Variants in KLHL24 observed in about 807,000 individuals in gnomAD.
The protein encoded by KLHL24 is kelch-like protein 24.
Under a neutral mutation model 53.4 loss-of-function variants are expected in KLHL24, and 29 were observed. That is an observed-to-expected ratio of 0.54 (90% CI 0.40 to 0.74). The LOEUF is 0.74. Among genes scored for constraint, KLHL24 ranks in the 30% least tolerant of loss-of-function variants. KLHL24 has a pLI of 0.00. For synonymous variants in KLHL24, 222 were observed against 253.7 expected (o/e 0.88, Z 1.19); for missense variants, 504 against 744.0 (o/e 0.68, Z 3.75).
At chr3:183,637,237 T>C (rs1438102610) in intron 1 of KLHL24, among the ~76,000 whole-genome samples, 2 of 152,230 alleles carry the variant, frequency 1.3e-5, no homozygotes, top group Middle Eastern at 6.8e-3. Context: ...AGCTAAGAGG[T>C]TGGTTTTTAT....
chr3:183,672,685 T>C, intron 7 of KLHL24: 1 of 311,868 alleles, frequency 3.2e-6, no homozygotes, highest in Non-Finnish European at 5.9e-6. Context: ...GCTAATATGG[T>C]GAAACCCCGT....
chr3:183,661,886 A>G (rs1381426226), intron 3 of KLHL24, among the ~76,000 whole-genome samples: 1 of 152,188 alleles, frequency 6.6e-6, no homozygotes, highest in African/African-American at 2.4e-5. Flanking sequence ...TGATTGATTA[A>G]TAAATAAGAC....
intron 1 of KLHL24, among the ~76,000 whole-genome samples, chr3:183,637,195 C>T (rs1357831292): frequency 6.6e-6 from 1 of 152,148 alleles, no homozygotes; most frequent in Non-Finnish European, 1.5e-5. Flanking sequence ...AAAATCACGT[C>T]TTTGTATTTG....
chr3:183,679,479 C>T lies in KLHL24; in HGVS notation c.*193C>T. Reference sequence around the variant, plus strand: ...CCTTTCCTATAATTGAAAAAAAAAACTTTTTTGTTAAAGGTAATGGTGGTT... The same window carrying T: ...CCTTTCCTATAATTGAAAAAAAAAATTTTTTTGTTAAAGGTAATGGTGGTT... On this transcript the variant is annotated 3_prime_UTR_variant, in exon 8 of 8. Coordinates refer to ENST00000242810, the MANE Select transcript of KLHL24 (RefSeq NM_017644.3). 3 of 547,956 alleles carry T rather than the reference C, an allele frequency of 5.5e-6. No individual in the cohort carries two copies. The highest frequency in any genetic ancestry group is 2.4e-5 in the South Asian group (1 of 41,890). The allele number at this position is 547,956 out of a possible 1,614,324, so 33.9% of individuals were successfully genotyped here. A position where few individuals can be genotyped will look rare whatever the true frequency, so the allele number is the denominator to read the frequency against.
At position 183,679,924 on chromosome 3, in the gene KLHL24, G is replaced by T. The variant is rs1712507652; in HGVS notation, c.*638G>T. 6.6e-6 allele frequency: 1 copy of T among 152,068 alleles called. No homozygotes were observed. The highest frequency in any genetic ancestry group is 6.5e-5 in the Admixed American group (1 of 15,268). The allele number at this position is 152,068 out of a possible 1,614,324, so 9.4% of individuals were successfully genotyped here. On this transcript the variant is annotated 3_prime_UTR_variant, in exon 8 of 8. Transcript: ENST00000242810. ...TAAACATGTTTTTAGGGGGAAGTTA[G>T]GTAGGAGATAGAAAAATAAGTGCCC...
At chr3:183,667,508 G>T (rs1236212693) in intron 5 of KLHL24, among the ~76,000 whole-genome samples, 2 of 152,078 alleles carry the variant, frequency 1.3e-5, no homozygotes, top group African/African-American at 4.8e-5. Context: ...GCACATATGA[G>T]GGATATCTAG....
chr3:183,643,136 AG>A (rs1424633683), intron 1 of KLHL24: 4 of 152,772 alleles, frequency 2.6e-5, no homozygotes, highest in African/African-American at 9.6e-5. Flanking sequence ...AGGCTGAGGC[AG>A]GAGAATCGCT....
intron 3 of KLHL24, among the ~76,000 whole-genome samples, chr3:183,654,763 G>A (rs1361433040): frequency 6.6e-6 from 1 of 152,144 alleles, no homozygotes; most frequent in African/African-American, 2.4e-5. Flanking sequence ...TGTCAATGGG[G>A]AAGTTGTCCA....
In KLHL24 at chr3:183,682,199, G is replaced by A. The variant is rs953035435; in HGVS notation, c.*2913G>A. ...TAAACCCAGCTGTGATACCTCAGTTGGAAAGGGAATTCAAAGGTATGCTTT... is the reference window on the plus strand; with the variant it reads ...TAAACCCAGCTGTGATACCTCAGTTAGAAAGGGAATTCAAAGGTATGCTTT... On this transcript the variant is annotated 3_prime_UTR_variant, in exon 8 of 8. Coordinates refer to ENST00000242810, the MANE Select transcript of KLHL24 (RefSeq NM_017644.3). 1 of 152,084 alleles carries A rather than the reference G, an allele frequency of 6.6e-6. No individual in the cohort carries two copies. Among genetic ancestry groups the A allele is most frequent in the Admixed American group, 6.6e-5 (1 of 15,262 alleles). The allele number at this position is 152,084 out of a possible 1,614,324, so 9.4% of individuals were successfully genotyped here. A position where few individuals can be genotyped will look rare whatever the true frequency, so the allele number is the denominator to read the frequency against.
At chr3:183,662,451 C>T (rs1292315440) in intron 3 of KLHL24, among the ~76,000 whole-genome samples, 8 of 151,982 alleles carry the variant, frequency 5.3e-5, no homozygotes. Context: ...CTTTGTGAGA[C>T]TTAACTTGTA....
intron 2 of KLHL24, among the ~76,000 whole-genome samples, chr3:183,645,280 T>A (rs1239694405): frequency 6.6e-6 from 1 of 152,238 alleles, no homozygotes; most frequent in Non-Finnish European, 1.5e-5. Context: ...AAAATTGACA[T>A]TCAGGTACAG....
At chr3:183,658,946 G>A (rs1171867316) in intron 3 of KLHL24, among the ~76,000 whole-genome samples, 1 of 151,674 alleles carries the variant, frequency 6.6e-6, no homozygotes, top group Non-Finnish European at 1.5e-5. Flanking sequence ...TGGAACTACA[G>A]GCATGGGTCA....
intron 3 of KLHL24, among the ~76,000 whole-genome samples, chr3:183,660,305 A>G (rs1219838066): frequency 2.0e-5 from 3 of 151,632 alleles, no homozygotes; most frequent in Admixed American, 2.0e-4. Context: ...TAATTTTTGT[A>G]TTTTTTATAG....
At position 183,682,521 on chromosome 3, in the gene KLHL24, G is replaced by T. The variant is rs888740650; in HGVS notation, c.*3235G>T. 1.3e-5 allele frequency: 2 copies of T among 152,494 alleles called. No individual in the cohort carries two copies. Among genetic ancestry groups the T allele is most frequent in the Admixed American group, 6.5e-5 (1 of 15,270 alleles). 9.4% of individuals were successfully genotyped at this position (152,494 alleles called of 1,614,324 possible). On this transcript the variant is annotated 3_prime_UTR_variant, in exon 8 of 8. Coordinates refer to ENST00000242810, the MANE Select transcript of KLHL24 (RefSeq NM_017644.3). ...TAACTTGTTACTTTTGCTCGTTTGG[G>T]GTGTAAAGTGCCATGACTGAATAAT... is the stretch of plus-strand genomic sequence containing the variant.
At chr3:183,655,579 T>C (rs1026770850) in intron 3 of KLHL24, among the ~76,000 whole-genome samples, 4 of 151,980 alleles carry the variant, frequency 2.6e-5, no homozygotes, top group Non-Finnish European at 5.9e-5. Flanking sequence ...CAGTGAGCCA[T>C]GAGCAGGCCA....
rs921177163 is a variant in KLHL24, at chr3:183,650,263, C to T, written c.-61-33C>T. The T allele has an allele frequency of 4.5e-6, 4 of 884,452 alleles. No homozygotes were observed. The African/African-American group carries it at 5.1e-5, about 11-fold the overall frequency. The allele number at this position is 884,452 out of a possible 1,614,324, so 54.8% of individuals were successfully genotyped here. On this transcript the variant is annotated intron_variant, in intron 2 of 7. Coordinates refer to ENST00000242810, the MANE Select transcript of KLHL24 (RefSeq NM_017644.3). The surrounding 1 kb of genome is among the most constrained non-coding windows in gnomAD (Gnocchi z 4.5). ...TGTGATTTGAATACTGAATTTTTTG[C>T]ATATTGAAATGTTTTCCTTTTTTTA...
At chr3:183,678,924 G>A (rs1712362036) in intron 7 of KLHL24, among the ~76,000 whole-genome samples, 162 bp from the exon 8 acceptor site, 1 of 120,000 alleles carries the variant, frequency 8.3e-6, no homozygotes, top group South Asian at 2.2e-4. Flanking sequence ...GTTGTCCAGC[G>A]CTTACACAGA....
chr3:183,658,083 G>A (rs907909864), intron 3 of KLHL24, among the ~76,000 whole-genome samples: 2 of 151,894 alleles, frequency 1.3e-5, no homozygotes, highest in African/African-American at 4.8e-5. Flanking sequence ...TGTGGTGGTG[G>A]ACACCTGTAA....
chr3:183,681,022 A>G lies in KLHL24; in HGVS notation c.*1736A>G, dbSNP rs897075053. The G allele has an allele frequency of 2.6e-5, 4 of 152,218 alleles. No homozygotes were observed. Among genetic ancestry groups the G allele is most frequent in the Admixed American group, 2.0e-4 (3 of 15,288 alleles). The allele number at this position is 152,218 out of a possible 1,614,324, so 9.4% of individuals were successfully genotyped here. On this transcript the variant is annotated 3_prime_UTR_variant, in exon 8 of 8. Coordinates refer to ENST00000242810, the MANE Select transcript of KLHL24 (RefSeq NM_017644.3). Reference sequence around the variant, plus strand: ...AAACTTTAATGCTTAGCTAGAATCTACATTCTGAGGAAAACTCTAAAAAAC... The same window carrying G: ...AAACTTTAATGCTTAGCTAGAATCTGCATTCTGAGGAAAACTCTAAAAAAC...
Sources: allele counts gnomAD v4.1 joint callset (sites outside exome capture counted in the v4.1 genomes callset), GRCh38; gene constraint gnomAD v4.1.1; non-coding constraint Gnocchi (gnomAD v3.1); transcripts MANE v1.5; gene names NCBI Gene and HGNC (gene_info 2026-07-23, HGNC 2026-07-21).